The following WDR35 variants were observed in gnomAD, a reference collection of about 807,000 sequenced individuals.
The protein encoded by WDR35 is WD repeat-containing protein 35.
A neutral mutation model predicts 158.3 loss-of-function variants in WDR35; 118 were observed. That is an observed-to-expected ratio of 0.75 (90% CI 0.64 to 0.87). The LOEUF (loss-of-function observed/expected upper bound fraction) is 0.87, where lower values mean the gene tolerates loss of function less well. Ranked by LOEUF, WDR35 falls within the 40% of genes least tolerant of loss-of-function variation. The pLI is 0.00. For synonymous variants in WDR35, 448 were observed against 476.1 expected, an observed-to-expected ratio of 0.94 and a Z score of 0.77; for missense variants, 1,263 against 1,405.8, an observed-to-expected ratio of 0.90 and a Z score of 1.62.
intron 25 of WDR35, among the ~76,000 whole-genome samples, chr2:19,925,952 C>A (rs1417731869): frequency 1.3e-5 from 2 of 152,270 alleles, no homozygotes; most frequent in South Asian, 4.2e-4. Flanking sequence ...AACAGATAAG[C>A]CAATTTGGAT....
At chr2:19,954,118 C>T (rs1671343176) in intron 11 of WDR35, 140 bp from the exon 12 acceptor site, 2 of 902,278 alleles carry the variant, frequency 2.2e-6, no homozygotes, top group Non-Finnish European at 1.7e-6. Context: ...AATACCCATA[C>T]ACAGTCTCTG....
intron 2 of WDR35, among the ~76,000 whole-genome samples, chr2:19,987,497 G>T (rs1672606791): frequency 6.6e-6 from 1 of 152,084 alleles, no homozygotes; most frequent in African/African-American, 2.4e-5. Flanking sequence ...AGCCTTCAAT[G>T]TTAAACAAAA....
intron 6 of WDR35, 108 bp from the exon 7 acceptor site, chr2:19,974,741 A>T: frequency 8.9e-7 from 1 of 1,121,414 alleles, no homozygotes; most frequent in Non-Finnish European, 1.2e-6. Context: ...ACAGTCTAAA[A>T]ATCAGGTGGC....
At chr2:19,929,082 C>T (rs1301463324) in intron 25 of WDR35, among the ~76,000 whole-genome samples, 1 of 152,210 alleles carries the variant, frequency 6.6e-6, no homozygotes, top group Non-Finnish European at 1.5e-5. Flanking sequence ...GCTGGGATTA[C>T]AGGCATGAGC....
chr2:19,924,213 A>G (rs1238387127), intron 25 of WDR35, among the ~76,000 whole-genome samples: 3 of 152,176 alleles, frequency 2.0e-5, no homozygotes, highest in African/African-American at 4.8e-5. Flanking sequence ...GTGCTATAAA[A>G]CAGGGACCAA....
At chr2:19,945,725 TC>T (rs1671023115) in intron 16 of WDR35, 60 bp downstream of exon 16, 1 of 1,582,642 alleles carries the variant, frequency 6.3e-7, no homozygotes. Flanking sequence ...AGGGGAATCA[TC>T]CAGGTTTTTA....
chr2:19,954,081 A>G, intron 11 of WDR35, 103 bp from the exon 12 acceptor site: 1 of 1,304,462 alleles, frequency 7.7e-7, no homozygotes, highest in Admixed American at 1.8e-5. Flanking sequence ...CTCATTTTAT[A>G]GACAATATAC....
intron 11 of WDR35, among the ~76,000 whole-genome samples, chr2:19,959,598 A>T (rs1671567525): frequency 6.6e-6 from 1 of 152,068 alleles, no homozygotes; most frequent in South Asian, 2.1e-4. Context: ...ACCCTAAGCC[A>T]TAGAGTATAA....
intron 2 of WDR35, among the ~76,000 whole-genome samples, chr2:19,985,766 A>G (rs1672544994): frequency 6.6e-6 from 1 of 151,060 alleles, no homozygotes; most frequent in Non-Finnish European, 1.5e-5. Flanking sequence ...GCGTGGTGGC[A>G]CGCACCTGTA....
chr2:19,913,928 T>G, intron 26 of WDR35, 109 bp downstream of exon 26: 1 of 1,528,340 alleles, frequency 6.5e-7, no homozygotes, highest in Non-Finnish European at 8.9e-7. Context: ...AATGTTAATG[T>G]GAATTGCTTC....
intron 8 of WDR35, 79 bp downstream of exon 8, chr2:19,973,484 T>G: frequency 6.3e-7 from 1 of 1,584,804 alleles, no homozygotes; most frequent in Non-Finnish European, 8.7e-7. Flanking sequence ...TTTACACCGT[T>G]TCCTTTGTTA....
chr2:19,939,053 G>A (rs1331130497), intron 17 of WDR35, among the ~76,000 whole-genome samples: 1 of 152,024 alleles, frequency 6.6e-6, no homozygotes, highest in Non-Finnish European at 1.5e-5. Context: ...ATCAATTACA[G>A]CAACAACACC....
At chr2:19,940,446 C>T (rs956332046) in intron 17 of WDR35, among the ~76,000 whole-genome samples, 5 of 152,026 alleles carry the variant, frequency 3.3e-5, no homozygotes, top group South Asian at 2.1e-4. Flanking sequence ...TCAAGTTAAA[C>T]GGGCAATGAA....
chr2:19,950,419 G>A (rs145289497), intron 13 of WDR35, among the ~76,000 whole-genome samples: 98 of 152,268 alleles, frequency 6.4e-4, no homozygotes, highest in African/African-American at 2.1e-3. Flanking sequence ...ATACAGAATA[G>A]TCTTTCAAGA....
chr2:19,930,715 C>T (rs1168553076), intron 24 of WDR35, among the ~76,000 whole-genome samples, 163 bp from the exon 25 acceptor site: 1 of 152,030 alleles, frequency 6.6e-6, no homozygotes, highest in Non-Finnish European at 1.5e-5. Context: ...TACTCTGTCA[C>T]CCAAGCTGGA....
At chr2:19,916,331 C>G (rs1324923491) in intron 25 of WDR35, among the ~76,000 whole-genome samples, 1 of 152,182 alleles carries the variant, frequency 6.6e-6, no homozygotes, top group East Asian at 1.9e-4. Context: ...TGACACCAAG[C>G]TAGCTGCAGG....
chr2:19,974,651 G>A lies in WDR35; in HGVS notation c.571-18C>T. On this transcript the variant is annotated intron_variant, in intron 6 of 26. Transcript: ENST00000281405. The stretch of plus-strand genomic sequence containing the variant: ...ATTTTTATCTAAATAAAATTGGTTA[G>A]GTTTAATATTTTACATTTTAAAACA... The A allele has an allele frequency of 6.2e-7, 1 of 1,607,824 alleles. No homozygotes were observed. Among genetic ancestry groups the A allele is most frequent in the African/African-American group, 1.3e-5 (1 of 74,632 alleles).
rs140684372 is a variant in WDR35, at chr2:19,985,118, G to A, written c.143-2584C>T. Among the ~76,000 whole-genome samples, 157 of 152,284 alleles carry A rather than the reference G, an allele frequency of 1.0e-3. No homozygotes were observed. The South Asian group carries it at 0.016, about 15-fold the overall frequency. On this transcript the variant is annotated intron_variant, in intron 2 of 26. Transcript: ENST00000281405. ...CTGCCTGCAGGTACCGGAGGACTGC[G>A]CAGTCAGCTGCAGTTGGCTTCCATG...
Position 19,975,609 on chromosome 2 carries a change from C to T in WDR35, c.491G>A (p.Trp164Ter). The change falls in exon 6 of 27, where the codon TGG becomes TAG. Residue 164 changes from tryptophan to a stop codon, truncating the protein, a stop_gained. Transcript: ENST00000281405. LOFTEE classifies it high-confidence loss of function. Reference protein sequence around the residue: ...LKGIQLSHVTWSADSKVLLFG... With the variant: ...LKGIQLSHVT ...AAGTAAGACTTTACTGTCCGCAGAC[C>T]ATGTTACATGGGATAGCTGTATACC... 1 of 1,614,042 alleles carries T rather than the reference C, an allele frequency of 6.2e-7. No homozygotes were observed. Among genetic ancestry groups the T allele is most frequent in the Non-Finnish European group, 8.5e-7 (1 of 1,179,958 alleles).
Sources: gnomAD v4.1 joint callset for allele counts (sites outside exome capture counted in the v4.1 genomes callset) on GRCh38, gnomAD v4.1.1 for gene constraint, MANE v1.5 for transcripts, NCBI Gene and HGNC (gene_info 2026-07-23, HGNC 2026-07-21) for gene names.